The following FAF1 variants were observed in gnomAD, a reference collection of about 807,000 sequenced individuals.
The protein encoded by FAF1 is Fas associated factor 1.
A neutral mutation model predicts 92.5 loss-of-function variants in FAF1; 25 were observed. The observed-to-expected ratio is 0.27, with a 90% CI of 0.20 to 0.38. FAF1 has a LOEUF of 0.38. Among genes scored for constraint, FAF1 ranks in the 10% least tolerant of loss-of-function variants. The probability of loss-of-function intolerance (pLI) is 1.00; values close to 1 mark genes in which losing one functional copy is unlikely to be tolerated. For missense variants in FAF1, 636 were observed against 793.3 expected (o/e 0.80, Z 2.38); for synonymous variants, 234 against 273.2 (o/e 0.86, Z 1.42).
chr1:50,801,091 A>G (rs1661972580), intron 3 of FAF1, among the ~76,000 whole-genome samples: 1 of 152,266 alleles, frequency 6.6e-6, no homozygotes, highest in Non-Finnish European at 1.5e-5. Flanking sequence ...CCTTCTGGCC[A>G]TAACACAAAA....
Position 50,469,331 on chromosome 1 carries a change from A to T in FAF1, c.1869+6133T>A, listed in dbSNP as rs190897946. 5.9e-5 allele frequency: 9 copies of T among 152,322 alleles called. No homozygotes were observed. The East Asian group carries it at 1.4e-3, about 23-fold the overall frequency. 9.4% of individuals were successfully genotyped at this position (152,322 alleles called of 1,614,324 possible). On this transcript the variant is annotated intron_variant, in intron 18 of 18. Transcript: ENST00000396153. ...CCTCATGTTCCCCATCTGCTGAATG[A>T]TATTAACACCACACCTGTCTTGGTA...
intron 1 of FAF1, among the ~76,000 whole-genome samples, chr1:50,948,524 TTTTCTTTTTC>T (rs1334103428): frequency 9.3e-5 from 14 of 150,310 alleles, no homozygotes; most frequent in Non-Finnish European, 1.9e-4. Flanking sequence ...TTTCTTTTTC[TTTTCTTTTTC>T]TTTTTTTTTT....
chr1:50,710,979 G>A (rs1569813583), intron 6 of FAF1, among the ~76,000 whole-genome samples: 2 of 149,114 alleles, frequency 1.3e-5, no homozygotes, highest in Non-Finnish European at 3.0e-5. Flanking sequence ...GCGCAATCTC[G>A]GCTCATTGCG....
At chr1:50,851,734 T>C (rs1570052155) in intron 2 of FAF1, among the ~76,000 whole-genome samples, 1 of 152,132 alleles carries the variant, frequency 6.6e-6, no homozygotes, top group Non-Finnish European at 1.5e-5. Flanking sequence ...AACTAGATTA[T>C]AGGAAAAGTG....
At chr1:50,690,375 G>T (rs768555752) in intron 7 of FAF1, among the ~76,000 whole-genome samples, 3 of 152,154 alleles carry the variant, frequency 2.0e-5, no homozygotes, top group Non-Finnish European at 2.9e-5. Flanking sequence ...GGAGGCCAAG[G>T]TGGGCAATCA....
chr1:50,637,283 A>AAC (rs1470216693), intron 8 of FAF1, among the ~76,000 whole-genome samples: 1 of 150,308 alleles, frequency 6.7e-6, no homozygotes, highest in Non-Finnish European at 1.5e-5. Context: ...TAAAAAAAAA[A>AAC]AAAAAAAAAA....
At chr1:50,545,077 TAACA>T (rs1018154070) in intron 13 of FAF1, among the ~76,000 whole-genome samples, 33 of 151,262 alleles carry the variant, frequency 2.2e-4, no homozygotes, top group African/African-American at 7.3e-4. Flanking sequence ...AAAAGATAAA[TAACA>T]AACGGGGAAA....
chr1:50,950,310 T>C (rs1427725847), intron 1 of FAF1, among the ~76,000 whole-genome samples: 1 of 152,244 alleles, frequency 6.6e-6, no homozygotes, highest in Non-Finnish European at 1.5e-5. Context: ...AACCACATAT[T>C]GCCACCTAGC....
intron 18 of FAF1, chr1:50,470,967 A>T (rs563211319): frequency 6.6e-6 from 1 of 152,338 alleles, no homozygotes; most frequent in East Asian, 1.9e-4. Context: ...TGTGGGTATA[A>T]TTTGCAATGC....
chr1:50,465,744 C>T (rs1422969333), intron 18 of FAF1, among the ~76,000 whole-genome samples: 2 of 152,022 alleles, frequency 1.3e-5, no homozygotes, highest in Non-Finnish European at 2.9e-5. Flanking sequence ...ATGGGTTGGT[C>T]AGCAAAGGCC....
chr1:50,717,191 G>T lies in FAF1; in HGVS notation c.552-11300C>A. ...AATACCTGGGCTTCAGGGCTGCTAT[G>T]AACTGAATGTTTGTATACTTTCCAA... On this transcript the variant is annotated intron_variant, in intron 6 of 18. Coordinates refer to ENST00000396153, the MANE Select transcript of FAF1 (RefSeq NM_007051.3). Among the ~76,000 whole-genome samples, 2 of 152,192 alleles carry T rather than the reference G, an allele frequency of 1.3e-5. 1 individual carries two copies. Among genetic ancestry groups the T allele is most frequent in the Non-Finnish European group, 2.9e-5 (2 of 68,040 alleles).
intron 9 of FAF1, among the ~76,000 whole-genome samples, chr1:50,595,091 G>C (rs1651733859): frequency 6.6e-6 from 1 of 150,702 alleles, no homozygotes; most frequent in Non-Finnish European, 1.5e-5. Context: ...TTTCACTCTT[G>C]TTGCCCAGGC....
intron 4 of FAF1, among the ~76,000 whole-genome samples, chr1:50,765,778 T>C (rs897628543): frequency 1.3e-5 from 2 of 152,130 alleles, no homozygotes; most frequent in East Asian, 3.8e-4. Context: ...TTGTAAAATT[T>C]AAAATATCAA....
intron 6 of FAF1, among the ~76,000 whole-genome samples, chr1:50,725,755 CA>C (rs1475964694): frequency 2.0e-5 from 3 of 152,074 alleles, no homozygotes. Context: ...CACACCTGGC[CA>C]AAAAGCCATA....
intron 7 of FAF1, among the ~76,000 whole-genome samples, chr1:50,689,993 C>CTTTTTTTTTT (rs1159221059): frequency 3.3e-5 from 4 of 122,334 alleles, no homozygotes; most frequent in Non-Finnish European, 5.1e-5. Flanking sequence ...CATTATATTT[C>CTTTTTTTTTT]TTTTTTTTTT....
intron 18 of FAF1, among the ~76,000 whole-genome samples, chr1:50,458,138 G>C (rs1260592296): frequency 6.6e-6 from 1 of 152,074 alleles, no homozygotes; most frequent in Admixed American, 6.6e-5. Context: ...GCTTAAACCT[G>C]GGAGGCAGAG....
intron 7 of FAF1, among the ~76,000 whole-genome samples, chr1:50,682,280 G>T (rs969080620): frequency 6.6e-6 from 1 of 151,724 alleles, no homozygotes; most frequent in Non-Finnish European, 1.5e-5. Context: ...TGGGCCCATC[G>T]CTTGAGCCCA....
chr1:50,550,512 T>C (rs1198086977), intron 13 of FAF1, among the ~76,000 whole-genome samples: 4 of 152,164 alleles, frequency 2.6e-5, no homozygotes, highest in African/African-American at 9.7e-5. Flanking sequence ...CCAGCACTTA[T>C]TAAGCTCAAT....
chr1:50,456,904 C>T (rs760119987), intron 18 of FAF1, among the ~76,000 whole-genome samples: 30 of 152,132 alleles, frequency 2.0e-4, no homozygotes, highest in Non-Finnish European at 4.4e-5. Flanking sequence ...TCTCAAACTT[C>T]GTGTGTACAA....
Sources: allele counts gnomAD v4.1 joint callset (sites outside exome capture counted in the v4.1 genomes callset), GRCh38; gene constraint gnomAD v4.1.1; transcripts MANE v1.5; gene names NCBI Gene and HGNC (gene_info 2026-07-23, HGNC 2026-07-21).